Variants in TEK observed in about 807,000 individuals in gnomAD.
TEK encodes the protein TEK receptor tyrosine kinase.
A neutral mutation model predicts 131.8 loss-of-function variants in TEK; 43 were observed. The observed-to-expected ratio is 0.33, with a 90% confidence interval of 0.26 to 0.42. The LOEUF (loss-of-function observed/expected upper bound fraction) is 0.42, where lower values mean the gene tolerates loss of function less well. TEK is among the 10% of genes least tolerant of loss of function. The pLI is 1.00. For synonymous variants in TEK, 580 were observed against 491.6 expected, an observed-to-expected ratio of 1.18 and a Z score of -2.38; for missense variants, 1,162 against 1,384.4, an observed-to-expected ratio of 0.84 and a Z score of 2.55.
At chr9:27,197,643 G>A in intron 12 of TEK, 44 bp downstream of exon 12, 1 of 1,610,570 alleles carries the variant, frequency 6.2e-7, no homozygotes, top group South Asian at 1.1e-5. Flanking sequence ...GCAATAAGGG[G>A]CTACCGCCAT....
At chr9:27,159,665 T>G (rs770833447) in intron 2 of TEK, among the ~76,000 whole-genome samples, 5 of 152,328 alleles carry the variant, frequency 3.3e-5, no homozygotes, top group Non-Finnish European at 7.4e-5. Context: ...AAGTGGGCCT[T>G]AAGCTAAATC....
Position 27,183,607 on chromosome 9 carries a change from C to T in TEK, c.1179C>T (p.Leu393=). Residue 393 remains leucine (L), a synonymous_variant, in exon 8 of 23, where the codon CTC becomes CTT. Transcript: ENST00000380036. ...TGGTGAAGCCGGATGGGACAGTGCT[C>T]CATGTAAGAGCCATTCTTAATTTGC... ...MTLVKPDGTV[L]HPKDFNHTDH... 2 of 1,613,794 alleles carry T rather than the reference C, an allele frequency of 1.2e-6. No individual in the cohort carries two copies. Among genetic ancestry groups the T allele is most frequent in the Non-Finnish European group, 1.7e-6 (2 of 1,179,786 alleles).
At position 27,168,475 on chromosome 9, in the gene TEK, T is replaced by C. The variant is rs1564072419; in HGVS notation, c.365-20T>C. On this transcript the variant is annotated intron_variant, in intron 2 of 22. Coordinates refer to ENST00000380036, the MANE Select transcript of TEK (RefSeq NM_000459.5). ...AATGTGTGATCCCATTTTTGGTATT[T>C]GTTTTCTCTCTTTTAAAAGCTTCCT... 1 of 1,594,518 alleles carries C rather than the reference T, an allele frequency of 6.3e-7. No individual in the cohort carries two copies. The highest frequency in any genetic ancestry group is 2.2e-5 in the East Asian group (1 of 44,696).
intron 18 of TEK, among the ~76,000 whole-genome samples, chr9:27,216,030 A>C (rs1825810142): frequency 6.6e-6 from 1 of 152,214 alleles, no homozygotes; most frequent in Non-Finnish European, 1.5e-5. Context: ...GAGATGTTTA[A>C]GTAATTCACT....
chr9:27,197,652 A>G lies in TEK; in HGVS notation c.1909+53A>G. 3 of 1,606,246 alleles carry G rather than the reference A, an allele frequency of 1.9e-6. No homozygotes were observed. In the African/African-American group the frequency reaches 4.0e-5, roughly 21 times the overall value. On this transcript the variant is annotated intron_variant, in intron 12 of 22. Transcript: ENST00000380036. ...ATCTGAGCAATAAGGGGCTACCGCCATGCAGACTTAGCTAACATCACTGCA... is the reference window on the plus strand; with the variant it reads ...ATCTGAGCAATAAGGGGCTACCGCCGTGCAGACTTAGCTAACATCACTGCA...
intron 1 of TEK, among the ~76,000 whole-genome samples, chr9:27,134,952 G>T (rs543938788): frequency 3.9e-5 from 6 of 152,218 alleles, no homozygotes; most frequent in Non-Finnish European, 8.8e-5. Flanking sequence ...CAAAAAGGGT[G>T]TGTAATAAAT....
intron 1 of TEK, among the ~76,000 whole-genome samples, chr9:27,117,970 G>C (rs1039452448): frequency 2.6e-5 from 4 of 152,158 alleles, no homozygotes; most frequent in African/African-American, 9.7e-5. Flanking sequence ...ACATTGCTGG[G>C]GCTGGGGAGG....
chr9:27,162,212 A>T (rs1823571337), intron 2 of TEK, among the ~76,000 whole-genome samples: 1 of 152,192 alleles, frequency 6.6e-6, no homozygotes. Context: ...CATCATGGAA[A>T]CTCAGAAATG....
chr9:27,130,659 C>T (rs200590020), intron 1 of TEK, among the ~76,000 whole-genome samples: 2 of 141,242 alleles, frequency 1.4e-5, no homozygotes, highest in East Asian at 4.0e-4. Flanking sequence ...TCACTGCAAC[C>T]TCCGCTTCCT....
chr9:27,209,537 A>C (rs1466791140), intron 16 of TEK, among the ~76,000 whole-genome samples: 1 of 152,102 alleles, frequency 6.6e-6, no homozygotes, highest in Non-Finnish European at 1.5e-5. Flanking sequence ...TACCACTACT[A>C]TTATAGTAGG....
At chr9:27,143,225 T>C (rs1171658329) in intron 1 of TEK, among the ~76,000 whole-genome samples, 2 of 152,098 alleles carry the variant, frequency 1.3e-5, no homozygotes, top group African/African-American at 4.8e-5. Context: ...AGAGAGAGCA[T>C]TGGCAAGAGA....
In TEK at chr9:27,229,225, C is replaced by T. The variant is rs369356295; in HGVS notation, c.3368C>T (p.Ala1123Val). 11 of 1,613,642 alleles carry T rather than the reference C, an allele frequency of 6.8e-6. No homozygotes were observed. Among genetic ancestry groups the T allele is most frequent in the African/African-American group, 2.7e-5 (2 of 75,006 alleles). ...YAGIDCSAEE[A>V]A ...GGAATTGACTGTTCTGCTGAAGAAG[C>T]GGCCTAGGACAGAACATCTGTATAC... The change falls in exon 23 of 23, where the codon GCG becomes GTG. Residue 1123 changes from alanine to valine, a missense_variant. By Grantham distance (64) the Ala-to-Val change is moderately conservative. Around this residue, in one of 6 missense-constraint regions of TEK, gnomAD observed 84 missense variants for 80.3 expected, o/e 1.05. Coordinates refer to ENST00000380036, the MANE Select transcript of TEK (RefSeq NM_000459.5).
intron 6 of TEK, among the ~76,000 whole-genome samples, chr9:27,173,737 GTTT>G (rs35971876): frequency 0.012 from 1,172 of 93,934 alleles, 18 homozygotes; most frequent in African/African-American, 0.042. Flanking sequence ...TTTTTTTTTG[GTTT>G]TTTTTTTTTT....
chr9:27,185,688 C>T (rs1824575835), intron 9 of TEK, 59 bp downstream of exon 9: 1 of 1,602,938 alleles, frequency 6.2e-7, no homozygotes, highest in Non-Finnish European at 8.5e-7. Context: ...TTTTGTATTG[C>T]TGCTTCTAGA....
Position 27,229,371 on chromosome 9 carries a change from G to T in TEK, c.*139G>T. On this transcript the variant is annotated 3_prime_UTR_variant, in exon 23 of 23. Coordinates refer to ENST00000380036, the MANE Select transcript of TEK (RefSeq NM_000459.5). Reference sequence around the variant, plus strand: ...CTGTACACCTGGGACCTTCACCACTGTAGATCCCATGCATGGATCTATGTA... The same window carrying T: ...CTGTACACCTGGGACCTTCACCACTTTAGATCCCATGCATGGATCTATGTA... The T allele has an allele frequency of 5.0e-6, 4 of 800,554 alleles. No individual in the cohort carries two copies. The highest frequency in any genetic ancestry group is 8.7e-6 in the Non-Finnish European group (4 of 457,186). The allele number at this position is 800,554 out of a possible 1,614,324, so 49.6% of individuals were successfully genotyped here. A position where few individuals can be genotyped will look rare whatever the true frequency, so the allele number is the denominator to read the frequency against.
At chr9:27,149,201 T>C (rs541058512) in intron 1 of TEK, among the ~76,000 whole-genome samples, 1 of 152,304 alleles carries the variant, frequency 6.6e-6, no homozygotes, top group East Asian at 1.9e-4. Flanking sequence ...GATACAGCGA[T>C]GGGCAAAATT....
rs563432200 is a variant in TEK, at chr9:27,139,577, G to T, written c.53-18254G>T. ...GACCTTAGGTGATCCGCCCACCTCG[G>T]CCTCCCAAAGTGCTGGGATTACAGG... On this transcript the variant is annotated intron_variant, in intron 1 of 22. Transcript: ENST00000380036. Among the ~76,000 whole-genome samples, 59 of 152,006 alleles carry T rather than the reference G, an allele frequency of 3.9e-4. 1 individual carries two copies. In the East Asian group the frequency reaches 7.8e-3, roughly 20 times the overall value.
At chr9:27,164,851 T>G (rs960732092) in intron 2 of TEK, among the ~76,000 whole-genome samples, 3 of 152,184 alleles carry the variant, frequency 2.0e-5, no homozygotes, top group Non-Finnish European at 4.4e-5. Context: ...ATTAAATTTG[T>G]GTAAAGTGCT....
At chr9:27,139,836 G>T (rs1822657426) in intron 1 of TEK, among the ~76,000 whole-genome samples, 1 of 152,046 alleles carries the variant, frequency 6.6e-6, no homozygotes, top group African/African-American at 2.4e-5. Flanking sequence ...CAACAGGGTT[G>T]ATATTCCACA....
Sources: gnomAD v4.1 joint callset for allele counts (sites outside exome capture counted in the v4.1 genomes callset) on GRCh38, gnomAD v4.1.1 for gene constraint, gnomAD v4.1.1 regional missense constraint, MANE v1.5 for transcripts, NCBI Gene and HGNC (gene_info 2026-07-23, HGNC 2026-07-21) for gene names.